The following EYS variants were observed in gnomAD, a reference collection of about 807,000 sequenced individuals.
EYS encodes protein eyes shut homolog.
Under a neutral mutation model 282.1 loss-of-function variants are expected in EYS, and 250 were observed. That is an observed-to-expected ratio of 0.89 (90% CI 0.80 to 0.98). EYS has a LOEUF of 0.98. Ranked by LOEUF, EYS falls within the 50% of genes least tolerant of loss-of-function variation. The probability of loss-of-function intolerance (pLI) is 0.00; values close to 1 mark genes in which losing one functional copy is unlikely to be tolerated. For missense variants in EYS, 4,016 were observed against 3,709.0 expected (o/e 1.08, Z -2.15); for synonymous variants, 1,355 against 1,282.9 (o/e 1.06, Z -1.20).
intron 11 of EYS, among the ~76,000 whole-genome samples, chr6:65,333,097 C>T (rs1769854550): frequency 6.6e-6 from 1 of 150,576 alleles, no homozygotes; most frequent in African/African-American, 2.4e-5. Flanking sequence ...TTTATGATTT[C>T]CTTCTTTCTA....
At chr6:63,865,307 T>C (rs1483743113) in intron 35 of EYS, among the ~76,000 whole-genome samples, 1 of 152,206 alleles carries the variant, frequency 6.6e-6, no homozygotes, top group Non-Finnish European at 1.5e-5. Flanking sequence ...TAAATATAAG[T>C]GACAGAGAAA....
intron 12 of EYS, among the ~76,000 whole-genome samples, chr6:65,256,398 TC>T (rs1767466023): frequency 7.2e-6 from 1 of 139,132 alleles, no homozygotes; most frequent in African/African-American, 2.8e-5. Context: ...TAGGTATATC[TC>T]CCAATGCTAT....
At chr6:65,276,858 G>T (rs866804921) in intron 12 of EYS, among the ~76,000 whole-genome samples, 1 of 152,070 alleles carries the variant, frequency 6.6e-6, no homozygotes, top group South Asian at 2.1e-4. Context: ...TAATTGACAT[G>T]AGCATTTCCT....
At chr6:64,196,800 T>G (rs1181131959) in intron 31 of EYS, among the ~76,000 whole-genome samples, 1 of 150,904 alleles carries the variant, frequency 6.6e-6, no homozygotes, top group Non-Finnish European at 1.5e-5. Context: ...TGCTAAATGA[T>G]GAGTTAATGG....
chr6:65,524,060 C>T (rs1582413274), intron 2 of EYS, among the ~76,000 whole-genome samples: 1 of 152,110 alleles, frequency 6.6e-6, no homozygotes, highest in African/African-American at 2.4e-5. Context: ...TTAGTAGAGA[C>T]GGGGTTTCGC....
At chr6:64,918,959 A>C (rs1222486974) in intron 15 of EYS, among the ~76,000 whole-genome samples, 1 of 152,208 alleles carries the variant, frequency 6.6e-6, no homozygotes, top group Non-Finnish European at 1.5e-5. Flanking sequence ...AATAAATTTA[A>C]ATTTGGCCTT....
intron 36 of EYS, among the ~76,000 whole-genome samples, chr6:63,844,203 G>A (rs1241386561): frequency 6.6e-6 from 1 of 152,276 alleles, no homozygotes; most frequent in East Asian, 1.9e-4. Context: ...TTTTATGGCT[G>A]CATAGTAGCC....
At chr6:64,446,333 A>T (rs1248560407) in intron 26 of EYS, among the ~76,000 whole-genome samples, 1 of 152,184 alleles carries the variant, frequency 6.6e-6, no homozygotes, top group Non-Finnish European at 1.5e-5. Context: ...ACTGCAACAG[A>T]GTTTTTTTAA....
intron 40 of EYS, among the ~76,000 whole-genome samples, chr6:63,776,585 A>G (rs1770070672): frequency 6.6e-6 from 1 of 152,194 alleles, no homozygotes; most frequent in Non-Finnish European, 1.5e-5. Context: ...GTCCTGTGCA[A>G]TTGTAAGGTA....
At chr6:65,006,525 C>CAAAAAA (rs113511145) in intron 13 of EYS, among the ~76,000 whole-genome samples, 3 of 96,284 alleles carry the variant, frequency 3.1e-5, no homozygotes, top group Admixed American at 1.1e-4. Context: ...AAAAAAAAAG[C>CAAAAAA]AAAAAGGTAG....
intron 19 of EYS, among the ~76,000 whole-genome samples, chr6:64,852,466 C>T (rs950203131): frequency 6.6e-6 from 1 of 152,138 alleles, no homozygotes; most frequent in Non-Finnish European, 1.5e-5. Flanking sequence ...CCTTGCTCCT[C>T]AGCTTGCAGA....
At chr6:63,888,332 C>A (rs897882083) in intron 35 of EYS, among the ~76,000 whole-genome samples, 6 of 152,250 alleles carry the variant, frequency 3.9e-5, no homozygotes, top group African/African-American at 1.2e-4. Flanking sequence ...GACCCCTGTG[C>A]CTCCTGAAGG....
chr6:65,027,602 C>T (rs1429846817), intron 13 of EYS, among the ~76,000 whole-genome samples: 1 of 152,192 alleles, frequency 6.6e-6, no homozygotes, highest in African/African-American at 2.4e-5. Context: ...GATCTGCTGT[C>T]TGTCCTGATA....
At chr6:64,117,013 CA>C (rs2150270697) in intron 31 of EYS, among the ~76,000 whole-genome samples, 1 of 151,944 alleles carries the variant, frequency 6.6e-6, no homozygotes, top group African/African-American at 2.4e-5. Context: ...TAGGTTATCC[CA>C]ACAGAAAATC....
chr6:64,808,599 A>C (rs1246219791), intron 22 of EYS, among the ~76,000 whole-genome samples: 1 of 152,134 alleles, frequency 6.6e-6, no homozygotes, highest in African/African-American at 2.4e-5. Flanking sequence ...AAGTGTAAAA[A>C]ATTATATCTA....
chr6:65,560,456 AGGTGTTAGACTGTTCTT>A (rs1371860906), intron 2 of EYS, among the ~76,000 whole-genome samples: 34 of 148,982 alleles, frequency 2.3e-4, no homozygotes, highest in African/African-American at 7.8e-4. Context: ...ACACAAATAA[AGGTGTTAGACTGTTCTT>A]GGTGTCCATT....
chr6:65,148,590 G>A (rs749093776), intron 12 of EYS, among the ~76,000 whole-genome samples: 2 of 152,050 alleles, frequency 1.3e-5, no homozygotes, highest in African/African-American at 4.8e-5. Context: ...TAAGCCTTTA[G>A]TGTATCTACT....
chr6:64,030,756 A>G (rs1769782982), intron 33 of EYS, among the ~76,000 whole-genome samples: 1 of 152,166 alleles, frequency 6.6e-6, no homozygotes, highest in Non-Finnish European at 1.5e-5. Flanking sequence ...TCTAGAATTG[A>G]GGCCATCAAG....
chr6:64,814,074 T>C (rs1041713713), intron 21 of EYS, among the ~76,000 whole-genome samples: 2 of 152,024 alleles, frequency 1.3e-5, no homozygotes, highest in African/African-American at 4.8e-5. Flanking sequence ...CCATGTAAAA[T>C]AGCTAAAACA....
Sources: allele counts gnomAD v4.1 joint callset (sites outside exome capture counted in the v4.1 genomes callset), GRCh38; gene constraint gnomAD v4.1.1; transcripts MANE v1.5; gene names NCBI Gene and HGNC (gene_info 2026-07-23, HGNC 2026-07-21).